Variants in NSUN6 observed in about 807,000 individuals in gnomAD.
The protein encoded by NSUN6 is NOP2/Sun RNA methyltransferase 6, also known as tRNA (cytosine(72)-C(5))-methyltransferase NSUN6.
Under a neutral mutation model 58.0 loss-of-function variants are expected in NSUN6, and 64 were observed. The ratio of observed to expected loss-of-function variants is 1.10; its 90% confidence interval spans 0.90 to 1.36. The LOEUF (loss-of-function observed/expected upper bound fraction) is 1.36. Among genes scored for constraint, NSUN6 ranks in the 40% most tolerant of loss-of-function variants. The pLI is 0.00. For synonymous variants in NSUN6, 231 were observed against 193.9 expected (o/e 1.19, Z -1.59); for missense variants, 701 against 550.1 (o/e 1.27, Z -2.74).
intron 3 of NSUN6, among the ~76,000 whole-genome samples, chr10:18,638,570 T>C (rs1453378153): frequency 1.3e-5 from 2 of 152,178 alleles, no homozygotes; most frequent in Non-Finnish European, 2.9e-5. Context: ...GACAAGGTAC[T>C]GTTACAAGGA....
intron 3 of NSUN6, among the ~76,000 whole-genome samples, chr10:18,636,689 C>T (rs557244717): frequency 1.3e-5 from 2 of 152,018 alleles, no homozygotes; most frequent in South Asian, 4.1e-4. Flanking sequence ...GTCAGGAGTT[C>T]GAGACCAGCC....
At chr10:18,596,405 C>A (rs965436128) in intron 6 of NSUN6, 78 bp from the exon 7 acceptor site, 3 of 948,220 alleles carry the variant, frequency 3.2e-6, no homozygotes, top group South Asian at 1.4e-5. Flanking sequence ...TATAAAGAAC[C>A]CTTTGGGGGT....
intron 8 of NSUN6, among the ~76,000 whole-genome samples, chr10:18,575,508 A>T (rs148621315): frequency 6.6e-6 from 1 of 152,340 alleles, no homozygotes; most frequent in Non-Finnish European, 1.5e-5. Context: ...ACATTGATTC[A>T]GACAATGGAA....
chr10:18,637,622 G>A (rs1286576296), intron 3 of NSUN6, among the ~76,000 whole-genome samples: 1 of 152,162 alleles, frequency 6.6e-6, no homozygotes, highest in Non-Finnish European at 1.5e-5. Flanking sequence ...TGGTTATTCT[G>A]TGTCATATCA....
At chr10:18,562,726 C>CA (rs2055617255) in intron 8 of NSUN6, among the ~76,000 whole-genome samples, 47 of 131,004 alleles carry the variant, frequency 3.6e-4, no homozygotes, top group African/African-American at 1.3e-3. Context: ...GAATGGAATG[C>CA]GAAATGGAAT....
intron 1 of NSUN6, among the ~76,000 whole-genome samples, chr10:18,650,083 C>T (rs2131606119): frequency 6.6e-6 from 1 of 152,274 alleles, no homozygotes; most frequent in African/African-American, 2.4e-5. Flanking sequence ...AGAGGACAGG[C>T]TTTGCAATAA....
intron 9 of NSUN6, among the ~76,000 whole-genome samples, chr10:18,550,795 G>A (rs2054551520): frequency 6.7e-6 from 1 of 149,560 alleles, no homozygotes. Context: ...CATGACTTCA[G>A]CTCACTGCAA....
chr10:18,608,115 C>CAGA (rs1446694512), intron 6 of NSUN6, among the ~76,000 whole-genome samples: 1 of 152,170 alleles, frequency 6.6e-6, no homozygotes, highest in Non-Finnish European at 1.5e-5. Context: ...ACTCTGCCCT[C>CAGA]AGATGCAAAA....
In NSUN6 at chr10:18,554,329, G is replaced by A. The variant is rs1589826699; in HGVS notation, c.923-2358C>T. ...TGCAATGGAGAGTGGAATGCAATGT[G>A]GAATGGAATGGAATGGAGAGTGAAC... On this transcript the variant is annotated intron_variant, in intron 8 of 10. Coordinates refer to ENST00000377304, the MANE Select transcript of NSUN6 (RefSeq NM_182543.5). Among the ~76,000 whole-genome samples the A allele has an allele frequency of 2.0e-5, 3 of 150,538 alleles. No individual in the cohort carries two copies. The South Asian group carries it at 6.3e-4, about 32-fold the overall frequency.
At chr10:18,650,225 C>G (rs1478683833) in intron 1 of NSUN6, among the ~76,000 whole-genome samples, 1 of 150,448 alleles carries the variant, frequency 6.6e-6, no homozygotes, top group Non-Finnish European at 1.5e-5. Context: ...CCTAAAACAA[C>G]CTGGTAAAAT....
At chr10:18,612,685 G>C (rs1315721795) in intron 5 of NSUN6, among the ~76,000 whole-genome samples, 2 of 152,136 alleles carry the variant, frequency 1.3e-5, no homozygotes, top group Admixed American at 6.5e-5. Flanking sequence ...ACGCCTACCA[G>C]AACAAGTGAG....
rs1358113118 is a variant in NSUN6, at chr10:18,648,951, A to C, written c.76-306T>G. Among the ~76,000 whole-genome samples the C allele has an allele frequency of 1.3e-5, 2 of 152,180 alleles. 1 individual carries two copies. Among genetic ancestry groups the C allele is most frequent in the East Asian group, 3.8e-4 (2 of 5,196 alleles). On this transcript the variant is annotated intron_variant, in intron 1 of 10. Coordinates refer to ENST00000377304, the MANE Select transcript of NSUN6 (RefSeq NM_182543.5). The stretch of plus-strand genomic sequence containing the variant: ...AGTATCTGCTACATTTATTCACATA[A>C]ATTCAGGAATTCAGTCTATTTATAA...
intron 6 of NSUN6, among the ~76,000 whole-genome samples, chr10:18,601,793 C>T (rs2057850030): frequency 6.6e-6 from 1 of 151,858 alleles, no homozygotes; most frequent in African/African-American, 2.4e-5. Context: ...CCAACCTGGC[C>T]AACATGGTCC....
chr10:18,551,712 TC>T, intron 9 of NSUN6, 110 bp downstream of exon 9: 1 of 828,384 alleles, frequency 1.2e-6, no homozygotes, highest in Non-Finnish European at 2.0e-6. Context: ...CTTGGGTTGT[TC>T]CCACCTTTTG....
At chr10:18,607,882 T>A (rs1275893851) in intron 6 of NSUN6, among the ~76,000 whole-genome samples, 1 of 152,234 alleles carries the variant, frequency 6.6e-6, no homozygotes, top group Non-Finnish European at 1.5e-5. Flanking sequence ...TTTACTTTTC[T>A]AAGCCTCTAT....
At chr10:18,629,292 G>A (rs1490649753) in intron 3 of NSUN6, among the ~76,000 whole-genome samples, 1 of 152,168 alleles carries the variant, frequency 6.6e-6, no homozygotes, top group Non-Finnish European at 1.5e-5. Flanking sequence ...ACCAGCCACT[G>A]CAAAATCATG....
upstream of NSUN6, chr10:18,658,347 A>G (rs1393959402): frequency 6.6e-6 from 1 of 152,240 alleles, no homozygotes; most frequent in African/African-American, 2.4e-5. Flanking sequence ...TTGGCATGTT[A>G]AAAGGCCACG....
chr10:18,588,344 C>T (rs183467192), intron 7 of NSUN6, among the ~76,000 whole-genome samples: 15 of 152,320 alleles, frequency 9.8e-5, no homozygotes, highest in Admixed American at 9.8e-4. Flanking sequence ...ACAGCTTGGG[C>T]AGACTTAATC....
In NSUN6 at chr10:18,545,772, C is replaced by T. The variant is rs1009781851; in HGVS notation, c.*161G>A. ...TATAATCTCATACCACCCCCTACTT[C>T]CTCTATGTCTCTGGATCCCTGGTAA... On this transcript the variant is annotated 3_prime_UTR_variant, in exon 11 of 11. Coordinates refer to ENST00000377304, the MANE Select transcript of NSUN6 (RefSeq NM_182543.5). 1.7e-6 allele frequency: 1 copy of T among 599,072 alleles called. No homozygotes were observed. The highest frequency in any genetic ancestry group is 2.9e-6 in the Non-Finnish European group (1 of 346,738). 37.1% of individuals were successfully genotyped at this position (599,072 alleles called of 1,614,324 possible).
Sources: allele counts gnomAD v4.1 joint callset (sites outside exome capture counted in the v4.1 genomes callset), GRCh38; gene constraint gnomAD v4.1.1; transcripts MANE v1.5; gene names NCBI Gene and HGNC (gene_info 2026-07-23, HGNC 2026-07-21).